Variants in JPH3 observed in about 807,000 individuals in gnomAD.
JPH3 encodes the protein junctophilin 3, also known as junctophilin-3.
A neutral mutation model predicts 59.6 loss-of-function variants in JPH3; 11 were observed. The observed-to-expected ratio is 0.18, with a 90% CI of 0.12 to 0.31. JPH3 has a LOEUF of 0.31. Ranked by LOEUF, JPH3 falls within the 10% of genes least tolerant of loss-of-function variation. The pLI is 1.00. For missense variants in JPH3, 1,202 were observed against 1,105.7 expected (o/e 1.09, Z -1.24); for synonymous variants, 673 against 483.6 (o/e 1.39, Z -5.14).
At chr16:87,667,327 G>A (rs576573660) in intron 2 of JPH3, among the ~76,000 whole-genome samples, 1 of 152,360 alleles carries the variant, frequency 6.6e-6, no homozygotes, top group African/African-American at 2.4e-5. Flanking sequence ...ATATTCTGAG[G>A]ATTAGGACGT....
chr16:87,685,805 G>A (rs993499271), intron 3 of JPH3, among the ~76,000 whole-genome samples: 3 of 152,208 alleles, frequency 2.0e-5, no homozygotes, highest in African/African-American at 7.2e-5. Context: ...AGTTCCATGT[G>A]TGAAAGGAAG....
intron 2 of JPH3, among the ~76,000 whole-genome samples, chr16:87,661,647 C>T (rs1477316781): frequency 7.2e-5 from 11 of 152,236 alleles, no homozygotes; most frequent in Admixed American, 6.5e-4. Context: ...CCAGCCATGT[C>T]TGCTCAGAGA....
intron 2 of JPH3, among the ~76,000 whole-genome samples, chr16:87,677,448 C>T (rs752104929): frequency 6.6e-6 from 1 of 152,162 alleles, no homozygotes; most frequent in African/African-American, 2.4e-5. Flanking sequence ...ACCAGGTACC[C>T]ATCAGGTATC....
At chr16:87,661,135 C>G (rs543406982) in intron 2 of JPH3, among the ~76,000 whole-genome samples, 1 of 152,210 alleles carries the variant, frequency 6.6e-6, no homozygotes, top group African/African-American at 2.4e-5. Context: ...AGGCCGCCTG[C>G]GTTCCTTGGC....
rs779526331 is a variant in JPH3 at position 87,690,028 on chromosome 16, C to A, written c.1668C>A (p.Phe556Leu). ...ALRGGLLVDD[F>L]RTRGSGRKQP... ...GCGGCGGCCTGCTCGTGGATGACTT[C>A]CGCACCCGAGGTTCGGGCCGCAAGC... Residue 556 changes from phenylalanine (F) to leucine (L), a missense_variant, in exon 4 of 5, where the codon TTC becomes TTA. Phe to Leu is a conservative substitution (Grantham distance 22, BLOSUM62 0). Coordinates refer to ENST00000284262, the MANE Select transcript of JPH3 (RefSeq NM_020655.4). The A allele has an allele frequency of 5.2e-6, 8 of 1,540,776 alleles. No homozygotes were observed. The South Asian group carries it at 7.2e-5, about 14-fold the overall frequency.
chr16:87,610,440 G>C (rs2030689255), intron 1 of JPH3, among the ~76,000 whole-genome samples: 1 of 152,176 alleles, frequency 6.6e-6, no homozygotes, highest in South Asian at 2.1e-4. Flanking sequence ...TGTCCATGCT[G>C]GTCACTGCCA....
chr16:87,656,850 C>T (rs949441470), intron 2 of JPH3, among the ~76,000 whole-genome samples: 9 of 152,136 alleles, frequency 5.9e-5, no homozygotes, highest in African/African-American at 2.2e-4. Context: ...ACTGGACAGT[C>T]CAAATGCATG....
Position 87,690,365 on chromosome 16 carries a change from T to G in JPH3, c.2005T>G (p.Ser669Ala), listed in dbSNP as rs368571933. The change falls in exon 4 of 5, where the codon TCC (serine) becomes GCC (alanine). Residue 669 changes from serine (S) to alanine (A), a missense_variant. Coordinates refer to ENST00000284262, the MANE Select transcript of JPH3 (RefSeq NM_020655.4). Reference protein sequence around the residue: ...AQNKENFRPASSAEPAVQKLA... With the variant: ...AQNKENFRPAASAEPAVQKLA... ...GAACAAGGAGAACTTCAGGCCGGCC[T>G]CCTCCGCGGAGCCCGCCGTGCAGAA... is the stretch of plus-strand genomic sequence containing the variant. The G allele has an allele frequency of 1.4e-5, 21 of 1,546,418 alleles. No homozygotes were observed. Among genetic ancestry groups the G allele is most frequent in the Non-Finnish European group, 1.4e-5 (16 of 1,149,262 alleles).
At chr16:87,639,244 G>A (rs1439474577) in intron 1 of JPH3, among the ~76,000 whole-genome samples, 1 of 152,126 alleles carries the variant, frequency 6.6e-6, no homozygotes, top group African/African-American at 2.4e-5. Context: ...CTGAGTCAGA[G>A]AGAGGTTAAC....
Position 87,696,918 on chromosome 16 carries a change from C to T in JPH3, c.*258C>T, listed in dbSNP as rs556130391. 2.2e-6 allele frequency: 1 copy of T among 463,750 alleles called. No homozygotes were observed. The highest frequency in any genetic ancestry group is 2.1e-5 in the South Asian group (1 of 46,704). 28.7% of individuals were successfully genotyped at this position (463,750 alleles called of 1,614,324 possible). ...TGGCAGAAGGAGGCCAGCACGCAGC[C>T]CCTCCAGCTCCACGTGGAGACAGAA... is the stretch of plus-strand genomic sequence containing the variant. On this transcript the variant is annotated 3_prime_UTR_variant, in exon 5 of 5. Coordinates refer to ENST00000284262, the MANE Select transcript of JPH3 (RefSeq NM_020655.4).
intron 4 of JPH3, among the ~76,000 whole-genome samples, chr16:87,690,918 C>T (rs1243311562): frequency 6.6e-6 from 1 of 152,316 alleles, no homozygotes; most frequent in East Asian, 1.9e-4. Context: ...GGATAGGAAC[C>T]CAGAGGCGAA....
intron 2 of JPH3, among the ~76,000 whole-genome samples, chr16:87,658,855 A>C (rs1167339343): frequency 2.0e-5 from 3 of 152,312 alleles, no homozygotes; most frequent in African/African-American, 7.2e-5. Context: ...GTGGCCCCCC[A>C]GCCCCTATTT....
chr16:87,613,982 T>G (rs2030838059), intron 1 of JPH3, among the ~76,000 whole-genome samples: 1 of 151,966 alleles, frequency 6.6e-6, no homozygotes. Flanking sequence ...ATGCCTTTCT[T>G]GATGGAGCCA....
intron 3 of JPH3, among the ~76,000 whole-genome samples, chr16:87,687,725 G>GCCC (rs2033452301): frequency 1.3e-5 from 2 of 152,204 alleles, no homozygotes; most frequent in Non-Finnish European, 2.9e-5. Context: ...CTAGCTGAGG[G>GCCC]TGCCCTCCTG....
At chr16:87,664,656 G>A (rs772115249) in intron 2 of JPH3, among the ~76,000 whole-genome samples, 3 of 152,166 alleles carry the variant, frequency 2.0e-5, no homozygotes, top group South Asian at 2.1e-4. Context: ...CCGTCTCCTC[G>A]GCGAGTGGAG....
At chr16:87,684,064 G>T in intron 2 of JPH3, 78 bp from the exon 3 acceptor site, 3 of 1,061,870 alleles carry the variant, frequency 2.8e-6, no homozygotes, top group Non-Finnish European at 1.4e-6. Context: ...TTGTTGGGGG[G>T]TTGGCAGAGT....
At chr16:87,643,878 G>A (rs143084290) in intron 1 of JPH3, among the ~76,000 whole-genome samples, 2 of 152,284 alleles carry the variant, frequency 1.3e-5, no homozygotes, top group African/African-American at 4.8e-5. Flanking sequence ...TGTGGCTCAT[G>A]ACTGTAATCA....
chr16:87,610,568 G>A (rs754243224), intron 1 of JPH3, among the ~76,000 whole-genome samples: 17 of 152,232 alleles, frequency 1.1e-4, no homozygotes, highest in East Asian at 5.8e-4. Context: ...TCATTATTTC[G>A]TATGCCTGTT....
chr16:87,642,892 G>A (rs2032002211), intron 1 of JPH3, among the ~76,000 whole-genome samples: 2 of 152,188 alleles, frequency 1.3e-5, no homozygotes, highest in Non-Finnish European at 2.9e-5. Context: ...TTTTATTGTG[G>A]TAAGAGAAAT....
Sources: gnomAD v4.1 joint callset for allele counts (sites outside exome capture counted in the v4.1 genomes callset) on GRCh38, gnomAD v4.1.1 for gene constraint, MANE v1.5 for transcripts, NCBI Gene and HGNC (gene_info 2026-07-23, HGNC 2026-07-21) for gene names.